The following TP53I13 variants were observed in gnomAD, a reference collection of about 807,000 sequenced individuals.
TP53I13 encodes the protein tumor protein p53 inducible protein 13.
A neutral mutation model predicts 39.1 loss-of-function variants in TP53I13; 27 were observed. The ratio of observed to expected loss-of-function variants is 0.69; its 90% confidence interval spans 0.51 to 0.95. The LOEUF (loss-of-function observed/expected upper bound fraction) is 0.95. TP53I13 is among the 40% of genes least tolerant of loss of function. TP53I13 has a pLI of 0.00. For synonymous variants in TP53I13, 230 were observed against 224.6 expected (o/e 1.02, Z -0.22); for missense variants, 544 against 520.4 (o/e 1.05, Z -0.44).
In TP53I13 at chr17:29,569,031, C is replaced by A; in HGVS notation, c.86C>A (p.Pro29Gln). The part of the protein sequence containing the change: ...LLGPSEVMAG[P>Q]AEEAGAHCPE... Reference sequence around the variant, plus strand: ...TTGGACCCACAGGTGATGGCTGGACCGGCGGAGGAGGCGGGAGCCCATTGT... The same window carrying A: ...TTGGACCCACAGGTGATGGCTGGACAGGCGGAGGAGGCGGGAGCCCATTGT... The change falls in exon 2 of 7, where the codon CCG becomes CAG. Residue 29 changes from proline to glutamine, a missense_variant. Pro to Gln is a moderately conservative substitution (Grantham distance 76). Transcript: ENST00000301057. The A allele has an allele frequency of 6.2e-7, 1 of 1,609,308 alleles. No individual in the cohort carries two copies. The highest frequency in any genetic ancestry group is 8.5e-7 in the Non-Finnish European group (1 of 1,178,698).
chr17:29,581,454 C>T, the TP53I13 span: 3,498 of 1,172,858 alleles, frequency 3.0e-3, 56 homozygotes, highest in African/African-American at 0.031. This position sits in a 1 kb window ranked among gnomAD's most constrained non-coding sequence, Gnocchi z 4.8. Context: ...CACCTCACTG[C>T]CATGAGCAGG....
chr17:29,576,538 C>T (rs201563816), downstream of TP53I13: 124 of 1,613,788 alleles, frequency 7.7e-5, no homozygotes, highest in Middle Eastern at 1.6e-4. Flanking sequence ...CTGCAGCCTC[C>T]GGAGCTCGTC....
rs968166102 is a variant in TP53I13 at position 29,573,070 on chromosome 17, T to C, written c.*146T>C. 3.5e-5 allele frequency: 21 copies of C among 605,106 alleles called. No homozygotes were observed. In the African/African-American group the frequency reaches 3.7e-4, roughly 11 times the overall value. 37.5% of individuals were successfully genotyped at this position (605,106 alleles called of 1,614,324 possible). The stretch of plus-strand genomic sequence containing the variant: ...CTGCGGGGGCTTTCCTCCTTGTTGG[T>C]TGCTGAGTGGGCGGCCAAGGGGAGA... On this transcript the variant is annotated 3_prime_UTR_variant, in exon 7 of 7. Transcript: ENST00000301057.
the TP53I13 span, chr17:29,581,455 CAT>C: frequency 8.6e-7 from 1 of 1,159,672 alleles, no homozygotes; most frequent in East Asian, 2.3e-5. The surrounding 1 kb of genome is among the most constrained non-coding windows in gnomAD (Gnocchi z 4.8). Context: ...ACCTCACTGC[CAT>C]GAGCAGGGCT....
At chr17:29,569,432 C>A in intron 3 of TP53I13, 73 bp downstream of exon 3, 2 of 1,481,002 alleles carry the variant, frequency 1.4e-6, no homozygotes, top group Non-Finnish European at 1.9e-6. Flanking sequence ...GGCTTCGCTG[C>A]CTGTTCTGCT....
upstream of TP53I13, chr17:29,566,980 A>G: frequency 7.6e-7 from 1 of 1,309,222 alleles, no homozygotes; most frequent in African/African-American, 1.6e-5. Flanking sequence ...GAAGCTGGAG[A>G]GCCCCGGCGG....
downstream of TP53I13, chr17:29,573,210 C>G (rs1249606863): frequency 3.1e-6 from 1 of 320,376 alleles, no homozygotes; most frequent in East Asian, 5.3e-5. Flanking sequence ...CCCGGACCCT[C>G]GTCCTAGGCC....
chr17:29,576,895 T>C, downstream of TP53I13: 1 of 1,576,802 alleles, frequency 6.3e-7, no homozygotes, highest in Non-Finnish European at 8.6e-7. Context: ...GCGCCGGTGC[T>C]GCGCAGGGGC....
chr17:29,574,850 T>A, downstream of TP53I13: 1 of 1,602,070 alleles, frequency 6.2e-7, no homozygotes, highest in Non-Finnish European at 8.5e-7. Context: ...GCACTCACTC[T>A]GCAGCCGGTA....
the TP53I13 span, chr17:29,578,487 C>A: frequency 3.1e-6 from 3 of 960,300 alleles, no homozygotes; most frequent in South Asian, 1.3e-5. Context: ...TGCTGCCCAG[C>A]CCCTACAGTC....
At chr17:29,566,505 C>T (rs775455867), upstream of TP53I13, 2 of 1,611,444 alleles carry the variant, frequency 1.2e-6, no homozygotes, top group East Asian at 2.2e-5. Context: ...CAGGAAGGCC[C>T]CCGGCGCTGG....
chr17:29,567,924 A>G (rs554230174), upstream of TP53I13: 1 of 151,792 alleles, frequency 6.6e-6, no homozygotes, highest in East Asian at 2.0e-4. The surrounding 1 kb of genome is among the most constrained non-coding windows in gnomAD (Gnocchi z 6.6). Context: ...AATCCTGGAG[A>G]GGGAACCAGA....
chr17:29,574,817 G>T, downstream of TP53I13: 1 of 1,610,980 alleles, frequency 6.2e-7, no homozygotes. Flanking sequence ...TGGGGCGCCG[G>T]GCTCTGGGGG....
chr17:29,577,168 C>T, downstream of TP53I13: 2 of 1,613,984 alleles, frequency 1.2e-6, no homozygotes, highest in East Asian at 4.5e-5. Flanking sequence ...GCCCTGCTGT[C>T]TCCGCTTGGC....
chr17:29,577,236 C>T, downstream of TP53I13: 2 of 1,613,716 alleles, frequency 1.2e-6, no homozygotes, highest in Non-Finnish European at 1.7e-6. Flanking sequence ...AGCGGGCCAG[C>T]TTTTGTCGCC....
chr17:29,569,367 C>G lies in TP53I13; in HGVS notation c.183+8C>G. On this transcript the variant is annotated splice_region_variant and intron_variant, in intron 3 of 6. Coordinates refer to ENST00000301057, the MANE Select transcript of TP53I13 (RefSeq NM_138349.4). ...CGAGTGAGCCCAGGGCAGGTGAGTA[C>G]AAGCAGGGGCCCACCACCCTTGGTG... 6.2e-7 allele frequency: 1 copy of G among 1,613,384 alleles called. No homozygotes were observed. The highest frequency in any genetic ancestry group is 8.5e-7 in the Non-Finnish European group (1 of 1,179,706).
chr17:29,575,328 G>C (rs139867434), downstream of TP53I13: 2 of 1,613,410 alleles, frequency 1.2e-6, no homozygotes, highest in Non-Finnish European at 1.7e-6. The surrounding 1 kb of genome is among the most constrained non-coding windows in gnomAD (Gnocchi z 5.5). Flanking sequence ...AACAGTTCCT[G>C]AATGTTCTTG....
chr17:29,568,665 C>CGCGAG, upstream of TP53I13: 1 of 431,740 alleles, frequency 2.3e-6, no homozygotes, highest in Non-Finnish European at 2.7e-6. The surrounding 1 kb of genome is among the most constrained non-coding windows in gnomAD (Gnocchi z 4.5). Context: ...GCGGCGCGGG[C>CGCGAG]GGCGCGGGGG....
chr17:29,567,617 G>C (rs1031257877), upstream of TP53I13: 2 of 152,180 alleles, frequency 1.3e-5, no homozygotes, highest in African/African-American at 4.8e-5. This position sits in a 1 kb window ranked among gnomAD's most constrained non-coding sequence, Gnocchi z 6.6. Flanking sequence ...TTCCCCGCCT[G>C]CATCAGTGCG....
Sources: allele counts gnomAD v4.1 joint callset, GRCh38; gene constraint gnomAD v4.1.1; non-coding constraint Gnocchi (gnomAD v3.1); transcripts MANE v1.5; gene names NCBI Gene and HGNC (gene_info 2026-07-23, HGNC 2026-07-21).